Variants in NEDD9 observed in about 807,000 individuals in gnomAD.
NEDD9 encodes the protein enhancer of filamentation 1.
In NEDD9, 26 loss-of-function variants were observed where a neutral mutation model predicts 76.6. That is an observed-to-expected ratio of 0.34 (90% confidence interval 0.25 to 0.47). The LOEUF is 0.47. Among genes scored for constraint, NEDD9 ranks in the 20% least tolerant of loss-of-function variants. The probability of loss-of-function intolerance (pLI) is 1.00; values close to 1 mark genes in which losing one functional copy is unlikely to be tolerated. For synonymous variants in NEDD9, 392 were observed against 414.2 expected (o/e 0.95, Z 0.65); for missense variants, 937 against 1,058.5 (o/e 0.89, Z 1.59).
intron 2 of NEDD9, among the ~76,000 whole-genome samples, chr6:11,324,720 G>A (rs1761884301): frequency 6.6e-6 from 1 of 152,124 alleles, no homozygotes; most frequent in Non-Finnish European, 1.5e-5. Context: ...TTCACAATGT[G>A]TGGGAGTTCA....
chr6:11,236,646 C>T (rs1759608287), upstream of NEDD9, among the ~76,000 whole-genome samples: 1 of 152,192 alleles, frequency 6.6e-6, no homozygotes, highest in South Asian at 2.1e-4. This position sits in a 1 kb window ranked among gnomAD's most constrained non-coding sequence, Gnocchi z 5.5. Context: ...TGAGTTATAA[C>T]AGCAATTGGT....
chr6:11,291,267 G>GTTTTTTTTTTTTTTTTTTTTTTTTTTTTT (rs869185428), intron 3 of NEDD9, among the ~76,000 whole-genome samples: 2 of 95,824 alleles, frequency 2.1e-5, no homozygotes, highest in East Asian at 3.3e-4. Context: ...ATAGAATGAG[G>GTTTTTTTTTTTTTTTTTTTTTTTTTTTTT]TTTTTTTTTT....
At chr6:11,366,167 C>A (rs1762761084) in intron 1 of NEDD9, among the ~76,000 whole-genome samples, 1 of 151,924 alleles carries the variant, frequency 6.6e-6, no homozygotes, top group South Asian at 2.1e-4. Context: ...GCCTGTAACC[C>A]CAGCTACTCA....
chr6:11,292,921 A>T (rs1760807603), intron 3 of NEDD9, among the ~76,000 whole-genome samples: 2 of 152,220 alleles, frequency 1.3e-5, no homozygotes, highest in African/African-American at 4.8e-5. Flanking sequence ...AGAAACATCC[A>T]TGGAACTTGC....
rs1266348473 is a variant in NEDD9, at chr6:11,306,277, A to G, written c.-152-122T>C. The G allele has an allele frequency of 7.8e-6, 4 of 510,404 alleles. No homozygotes were observed. In the East Asian group the frequency reaches 1.3e-4, roughly 17 times the overall value. 31.6% of individuals were successfully genotyped at this position (510,404 alleles called of 1,614,324 possible). On this transcript the variant is annotated intron_variant, in intron 2 of 3. Transcript: ENST00000397378. ...GCCAAATCCATAGTCTTGTGAATGGAATCCATCATCCATTCATTCATGCAA... is the reference window on the plus strand; with the variant it reads ...GCCAAATCCATAGTCTTGTGAATGGGATCCATCATCCATTCATTCATGCAA...
chr6:11,268,770 C>CACAA (rs1760250439), intron 3 of NEDD9, among the ~76,000 whole-genome samples: 1 of 151,652 alleles, frequency 6.6e-6, no homozygotes, highest in Admixed American at 6.6e-5. Flanking sequence ...CACACACACA[C>CACAA]AACCAATATT....
intron 2 of NEDD9, among the ~76,000 whole-genome samples, chr6:11,319,496 ACT>A (rs1017412457): frequency 2.3e-4 from 33 of 142,190 alleles, no homozygotes; most frequent in East Asian, 2.1e-4. Context: ...ATAATCACAC[ACT>A]CATGCACACA....
At chr6:11,292,772 T>A (rs1760805409) in intron 3 of NEDD9, among the ~76,000 whole-genome samples, 2 of 152,294 alleles carry the variant, frequency 1.3e-5, no homozygotes, top group South Asian at 4.1e-4. Context: ...CAGATGTACA[T>A]CCACAGAACT....
At chr6:11,256,095 G>T (rs1418863515) in intron 3 of NEDD9, among the ~76,000 whole-genome samples, 1 of 152,202 alleles carries the variant, frequency 6.6e-6, no homozygotes, top group Non-Finnish European at 1.5e-5. Context: ...GCTAGAGGCT[G>T]GTAGGGCATG....
chr6:11,266,658 G>A (rs571415481), intron 3 of NEDD9, among the ~76,000 whole-genome samples: 3 of 152,240 alleles, frequency 2.0e-5, no homozygotes, highest in South Asian at 4.1e-4. Context: ...TTCAACTACT[G>A]TATGGGTTTA....
At chr6:11,319,846 A>G (rs565031045) in intron 2 of NEDD9, among the ~76,000 whole-genome samples, 56 of 151,586 alleles carry the variant, frequency 3.7e-4, no homozygotes, top group African/African-American at 1.3e-3. Context: ...TCACGCACTC[A>G]TGCACACTCA....
chr6:11,315,417 T>A (rs1016436489), intron 2 of NEDD9, among the ~76,000 whole-genome samples: 3 of 152,238 alleles, frequency 2.0e-5, no homozygotes, highest in African/African-American at 7.2e-5. Context: ...AAGATTCTAA[T>A]GAGGTTGCCT....
intron 1 of NEDD9, among the ~76,000 whole-genome samples, chr6:11,228,029 C>G (rs1759356106): frequency 7.1e-6 from 1 of 141,300 alleles, no homozygotes; most frequent in Non-Finnish European, 1.5e-5. Context: ...AAAATGAGGG[C>G]TACAGAATGT....
chr6:11,196,777 C>T (rs1365198622), intron 2 of NEDD9, among the ~76,000 whole-genome samples: 1 of 151,770 alleles, frequency 6.6e-6, no homozygotes, highest in South Asian at 2.1e-4. Flanking sequence ...TAAATGGGAC[C>T]AGGATGCAAA....
intron 2 of NEDD9, among the ~76,000 whole-genome samples, chr6:11,323,407 A>C (rs925946247): frequency 6.6e-6 from 1 of 152,254 alleles, no homozygotes; most frequent in Non-Finnish European, 1.5e-5. Context: ...ATGTGGTGGG[A>C]GTGGCGTCCT....
chr6:11,200,649 G>T, intron 2 of NEDD9: 1 of 1,153,726 alleles, frequency 8.7e-7, no homozygotes, highest in East Asian at 5.4e-5. Context: ...CAGATAGAAA[G>T]AAATCAATCT....
intron 3 of NEDD9, among the ~76,000 whole-genome samples, chr6:11,305,701 G>A (rs896211336): frequency 6.6e-6 from 1 of 152,156 alleles, no homozygotes; most frequent in Admixed American, 6.5e-5. Context: ...TTCCAGGCTT[G>A]CTCGGGCACC....
At chr6:11,194,635 G>A (rs1048510619) in intron 2 of NEDD9, among the ~76,000 whole-genome samples, 1 of 152,066 alleles carries the variant, frequency 6.6e-6, no homozygotes, top group Non-Finnish European at 1.5e-5. Flanking sequence ...CAGAATTCAG[G>A]TCTCCTGACC....
intron 2 of NEDD9, among the ~76,000 whole-genome samples, chr6:11,308,347 G>C (rs1460045367): frequency 2.0e-5 from 3 of 149,406 alleles, no homozygotes; most frequent in Non-Finnish European, 3.0e-5. Context: ...TGTCCAAGTA[G>C]GAGGATGGGA....
Sources: gnomAD v4.1 joint callset for allele counts (sites outside exome capture counted in the v4.1 genomes callset) on GRCh38, gnomAD v4.1.1 for gene constraint, Gnocchi (gnomAD v3.1) non-coding constraint, MANE v1.5 for transcripts, NCBI Gene and HGNC (gene_info 2026-07-23, HGNC 2026-07-21) for gene names.